Variants in THADA observed in about 807,000 individuals in gnomAD.
THADA encodes THADA armadillo repeat containing, also known as tRNA (32-2'-O)-methyltransferase regulator THADA.
Under a neutral mutation model 219.8 loss-of-function variants are expected in THADA, and 213 were observed. That is an observed-to-expected ratio of 0.97 (90% confidence interval 0.87 to 1.09). The LOEUF (loss-of-function observed/expected upper bound fraction) is 1.09. Ranked by LOEUF, THADA falls within the 50% of genes least tolerant of loss-of-function variation. The pLI is 0.00. For synonymous variants in THADA, 1,018 were observed against 828.9 expected, an observed-to-expected ratio of 1.23 and a Z score of -3.92; for missense variants, 2,956 against 2,311.3, an observed-to-expected ratio of 1.28 and a Z score of -5.72.
chr2:43,583,170 G>C (rs1017140453), intron 7 of THADA, among the ~76,000 whole-genome samples: 1 of 151,976 alleles, frequency 6.6e-6, no homozygotes, highest in African/African-American at 2.4e-5. Flanking sequence ...TTTTTACTTG[G>C]ATGTCTAACA....
At chr2:43,453,342 T>G (rs1352300782) in intron 26 of THADA, among the ~76,000 whole-genome samples, 1 of 152,172 alleles carries the variant, frequency 6.6e-6, no homozygotes, top group Non-Finnish European at 1.5e-5. Flanking sequence ...AGTACTCAAA[T>G]AATAGGATAA....
At chr2:43,338,925 A>T (rs972645877) in intron 30 of THADA, among the ~76,000 whole-genome samples, 1 of 152,220 alleles carries the variant, frequency 6.6e-6, no homozygotes, top group Non-Finnish European at 1.5e-5. Flanking sequence ...AGGAAATATC[A>T]TACTGTTTTC....
chr2:43,478,126 A>G (rs13416978), intron 26 of THADA, among the ~76,000 whole-genome samples: 25,127 of 152,190 alleles, frequency 0.17, 2,858 homozygotes, highest in African/African-American at 0.32. Flanking sequence ...AATCTCAGAC[A>G]TGTTATAAAC....
chr2:43,478,422 A>G (rs546765879), intron 26 of THADA, among the ~76,000 whole-genome samples: 2 of 152,344 alleles, frequency 1.3e-5, no homozygotes, highest in South Asian at 4.1e-4. Context: ...TGAAGGGGCA[A>G]GAAATACTGC....
intron 36 of THADA, among the ~76,000 whole-genome samples, chr2:43,264,577 G>C (rs1361769565): frequency 6.6e-6 from 1 of 152,118 alleles, no homozygotes; most frequent in African/African-American, 2.4e-5. Flanking sequence ...GAGCCACCGT[G>C]CTGGGCCAGA....
chr2:43,245,471 C>G (rs1347794762), intron 36 of THADA, among the ~76,000 whole-genome samples: 2 of 152,208 alleles, frequency 1.3e-5, no homozygotes, highest in Non-Finnish European at 2.9e-5. Flanking sequence ...CCACGCCCAG[C>G]AACTTCTTTC....
At chr2:43,364,577 C>T (rs1211884458) in intron 29 of THADA, among the ~76,000 whole-genome samples, 1 of 152,210 alleles carries the variant, frequency 6.6e-6, no homozygotes, top group African/African-American at 2.4e-5. Context: ...AATCACTGCA[C>T]TAGGCATTCT....
intron 31 of THADA, among the ~76,000 whole-genome samples, chr2:43,299,459 G>A (rs1490069649): frequency 6.6e-6 from 1 of 151,858 alleles, no homozygotes; most frequent in Non-Finnish European, 1.5e-5. Flanking sequence ...AGGAGTTTGA[G>A]ACCAACCTGG....
chr2:43,484,891 T>C (rs912031213), intron 26 of THADA, among the ~76,000 whole-genome samples: 18 of 148,444 alleles, frequency 1.2e-4, no homozygotes, highest in African/African-American at 4.3e-4. Flanking sequence ...TAGGATAATA[T>C]ATACAAGTAA....
At chr2:43,521,107 AAGGGAGGGAAGGTAGG>A in intron 22 of THADA, among the ~76,000 whole-genome samples, 1 of 120,982 alleles carries the variant, frequency 8.3e-6, no homozygotes, top group Middle Eastern at 4.2e-3. Flanking sequence ...AAAGAGAGGG[AAGGGAGGGAAGGTAGG>A]GAAGGGAGGG....
intron 14 of THADA, among the ~76,000 whole-genome samples, 173 bp downstream of exon 14, chr2:43,570,215 A>T (rs558345256): frequency 8.8e-4 from 134 of 152,346 alleles, no homozygotes; most frequent in Admixed American, 1.9e-3. Flanking sequence ...TCCATAACCC[A>T]GGCTACATCA....
intron 26 of THADA, among the ~76,000 whole-genome samples, chr2:43,430,959 A>T (rs1313787435): frequency 6.6e-6 from 1 of 152,218 alleles, no homozygotes; most frequent in African/African-American, 2.4e-5. Context: ...AAGTTCTGGA[A>T]ATCTAATCCT....
chr2:43,583,602 C>T (rs1258828001), intron 7 of THADA, among the ~76,000 whole-genome samples: 6 of 152,186 alleles, frequency 3.9e-5, no homozygotes, highest in African/African-American at 1.4e-4. Flanking sequence ...CAAAGATATA[C>T]TTGTATATCA....
At chr2:43,366,488 G>A (rs1011426541) in intron 29 of THADA, among the ~76,000 whole-genome samples, 1 of 152,136 alleles carries the variant, frequency 6.6e-6, no homozygotes, top group Non-Finnish European at 1.5e-5. Context: ...AGTGAAAAAA[G>A]CAGAATATTT....
intron 29 of THADA, among the ~76,000 whole-genome samples, chr2:43,347,787 C>T (rs867103501): frequency 2.0e-5 from 3 of 152,084 alleles, no homozygotes; most frequent in Non-Finnish European, 2.9e-5. Context: ...GTCCTGTGTG[C>T]GCAGAGAACA....
intron 29 of THADA, among the ~76,000 whole-genome samples, chr2:43,363,231 T>C (rs1669730472): frequency 6.6e-6 from 1 of 152,262 alleles, no homozygotes; most frequent in Admixed American, 6.5e-5. Flanking sequence ...TATAATTATA[T>C]GTGCTATACT....
chr2:43,335,853 C>T (rs531160862), intron 30 of THADA, among the ~76,000 whole-genome samples: 15 of 150,622 alleles, frequency 1.0e-4, no homozygotes, highest in African/African-American at 3.4e-4. Context: ...AATCTCAGCA[C>T]TTTGGGAGGC....
intron 31 of THADA, among the ~76,000 whole-genome samples, chr2:43,297,774 G>A (rs1675696588): frequency 8.1e-6 from 1 of 123,972 alleles, no homozygotes; most frequent in Non-Finnish European, 1.7e-5. Context: ...GAGGGAGGTG[G>A]GGGGGTCGGC....
chr2:43,585,576 A>ATAGG (rs1279206929), intron 7 of THADA, among the ~76,000 whole-genome samples: 2 of 139,258 alleles, frequency 1.4e-5, no homozygotes, highest in Non-Finnish European at 3.0e-5. Context: ...AGATAGATAG[A>ATAGG]TAGAAAGAAA....
Sources: gnomAD v4.1 joint callset for allele counts (sites outside exome capture counted in the v4.1 genomes callset) on GRCh38, gnomAD v4.1.1 for gene constraint, MANE v1.5 for transcripts, NCBI Gene and HGNC (gene_info 2026-07-23, HGNC 2026-07-21) for gene names.